STAC: variants seen among roughly 807,000 people sequenced by gnomAD.
STAC encodes the protein SH3 and cysteine rich domain.
A neutral mutation model predicts 48.8 loss-of-function variants in STAC; 43 were observed. That is an observed-to-expected ratio of 0.88 (90% CI 0.69 to 1.14). STAC has a LOEUF of 1.14. STAC is among the 50% of genes most tolerant of loss of function. STAC has a pLI of 0.00. For synonymous variants in STAC, 193 were observed against 179.5 expected (o/e 1.07, Z -0.60); for missense variants, 497 against 504.0 (o/e 0.99, Z 0.13).
intron 4 of STAC, 87 bp downstream of exon 4, chr3:36,485,145 C>T (rs1465544160): frequency 4.6e-6 from 5 of 1,083,536 alleles, no homozygotes; most frequent in East Asian, 5.5e-5. Flanking sequence ...CTGCAAAACC[C>T]GTGGGGTATC....
At chr3:36,503,295 C>T (rs1698321269) in intron 6 of STAC, among the ~76,000 whole-genome samples, 1 of 152,098 alleles carries the variant, frequency 6.6e-6, no homozygotes, top group Non-Finnish European at 1.5e-5. Context: ...AAAGCTATGA[C>T]ATAAGTTATG....
At chr3:36,521,831 T>C (rs908549095) in intron 8 of STAC, among the ~76,000 whole-genome samples, 4 of 152,100 alleles carry the variant, frequency 2.6e-5, no homozygotes, top group African/African-American at 9.7e-5. Flanking sequence ...TGGTGGCTCG[T>C]GTCTGTAAGC....
At chr3:36,391,372 T>TG (rs1699748225) in intron 1 of STAC, among the ~76,000 whole-genome samples, 1 of 152,184 alleles carries the variant, frequency 6.6e-6, no homozygotes, top group Non-Finnish European at 1.5e-5. Flanking sequence ...CTGGGCTAAA[T>TG]CTTACTTCTT....
intron 8 of STAC, among the ~76,000 whole-genome samples, chr3:36,512,554 G>GA (rs111643508): frequency 0.15 from 22,843 of 149,380 alleles, 1,876 homozygotes; most frequent in African/African-American, 0.2. Flanking sequence ...AGTAATTTCA[G>GA]AAAAAAAAAA....
At chr3:36,505,138 C>G (rs1698370470) in intron 7 of STAC, among the ~76,000 whole-genome samples, 1 of 152,046 alleles carries the variant, frequency 6.6e-6, no homozygotes, top group African/African-American at 2.4e-5. Context: ...ATGCATGTAA[C>G]ATAATGCCTA....
At chr3:36,488,203 G>T (rs1251229461) in intron 5 of STAC, among the ~76,000 whole-genome samples, 1 of 152,166 alleles carries the variant, frequency 6.6e-6, no homozygotes, top group Non-Finnish European at 1.5e-5. Context: ...GAGTAGCTGG[G>T]ATTACAGGTG....
chr3:36,478,747 CA>C (rs1446710755), intron 2 of STAC, among the ~76,000 whole-genome samples: 21 of 152,124 alleles, frequency 1.4e-4, no homozygotes, highest in Non-Finnish European at 1.5e-5. Context: ...CTCAGCTTCC[CA>C]AAGTGCTGGG....
At chr3:36,426,273 C>A (rs1284701967) in intron 1 of STAC, among the ~76,000 whole-genome samples, 1 of 152,170 alleles carries the variant, frequency 6.6e-6, no homozygotes, top group Non-Finnish European at 1.5e-5. Context: ...TCTCCCTGTT[C>A]ATTTGGCAAA....
At chr3:36,421,233 C>T (rs1195685670) in intron 1 of STAC, among the ~76,000 whole-genome samples, 1 of 152,146 alleles carries the variant, frequency 6.6e-6, no homozygotes, top group Non-Finnish European at 1.5e-5. Flanking sequence ...ATACAGAAAA[C>T]TTGGATACAT....
intron 8 of STAC, among the ~76,000 whole-genome samples, chr3:36,515,878 G>A (rs928326310): frequency 1.3e-5 from 2 of 151,498 alleles, no homozygotes; most frequent in African/African-American, 2.4e-5. Flanking sequence ...GGGGAGATAT[G>A]TGGCCTTCTA....
intron 1 of STAC, among the ~76,000 whole-genome samples, chr3:36,402,850 T>C (rs1031261270): frequency 6.6e-6 from 1 of 152,140 alleles, no homozygotes. Context: ...TCAGATGGAT[T>C]CAGGGGAATT....
intron 10 of STAC, among the ~76,000 whole-genome samples, chr3:36,529,657 GC>G (rs1251568809): frequency 6.6e-6 from 1 of 152,106 alleles, no homozygotes; most frequent in Admixed American, 6.5e-5. Flanking sequence ...CCATCTCATG[GC>G]TGGAATGTTG....
intron 2 of STAC, among the ~76,000 whole-genome samples, chr3:36,471,161 T>A (rs577457128): frequency 1.2e-4 from 19 of 152,236 alleles, no homozygotes; most frequent in African/African-American, 4.1e-4. Context: ...AAAAGGCACT[T>A]CTTACATGGC....
At chr3:36,489,517 G>A (rs1217618491) in intron 5 of STAC, among the ~76,000 whole-genome samples, 7 of 152,186 alleles carry the variant, frequency 4.6e-5, no homozygotes, top group Non-Finnish European at 7.3e-5. Context: ...GTGCCCCGGA[G>A]CATCCAGTTC....
At chr3:36,460,088 T>C (rs1216894986) in intron 2 of STAC, among the ~76,000 whole-genome samples, 1 of 152,052 alleles carries the variant, frequency 6.6e-6, no homozygotes, top group Non-Finnish European at 1.5e-5. Context: ...GGAATAAAGA[T>C]GAATAGTTCT....
chr3:36,508,718 T>G (rs1283625342), intron 8 of STAC, among the ~76,000 whole-genome samples: 1 of 152,234 alleles, frequency 6.6e-6, no homozygotes, highest in African/African-American at 2.4e-5. Context: ...AGGTCTGTTT[T>G]ATCAGAGACT....
intron 1 of STAC, among the ~76,000 whole-genome samples, chr3:36,398,420 GAA>G (rs1699916658): frequency 1.3e-4 from 1 of 7,886 alleles, no homozygotes; most frequent in East Asian, 1.6e-3. Context: ...GAGAGGGAAG[GAA>G]GGAAGGAAGG....
rs756786426 is a variant in STAC, at chr3:36,546,315, T to C, written c.*26T>C. 6.3e-7 allele frequency: 1 copy of C among 1,585,392 alleles called. No homozygotes were observed. Among genetic ancestry groups the C allele is most frequent in the Non-Finnish European group, 8.7e-7 (1 of 1,153,728 alleles). ...TTGCTGGCTCCTCCTCCGTTTGCAG[T>C]AGGCAAGCTCTGCTGCGATGCCTCT... On this transcript the variant is annotated 3_prime_UTR_variant, in exon 11 of 11. Coordinates refer to ENST00000273183, the MANE Select transcript of STAC (RefSeq NM_003149.3).
At chr3:36,463,923 G>A (rs1697091619) in intron 2 of STAC, among the ~76,000 whole-genome samples, 1 of 151,886 alleles carries the variant, frequency 6.6e-6, no homozygotes. Context: ...TATCATTGTT[G>A]GACATTTGGG....
Sources: gnomAD v4.1 joint callset for allele counts (sites outside exome capture counted in the v4.1 genomes callset) on GRCh38, gnomAD v4.1.1 for gene constraint, MANE v1.5 for transcripts, NCBI Gene and HGNC (gene_info 2026-07-23, HGNC 2026-07-21) for gene names.